The following XKR9 variants were observed in gnomAD, a reference collection of about 807,000 sequenced individuals.
The protein encoded by XKR9 is XK-related protein 9.
Under a neutral mutation model 32.0 loss-of-function variants are expected in XKR9, and 32 were observed. The observed-to-expected ratio is 1.00, with a 90% CI of 0.76 to 1.34. The LOEUF (loss-of-function observed/expected upper bound fraction) is 1.34. Among genes scored for constraint, XKR9 ranks in the 40% most tolerant of loss-of-function variants. The pLI is 0.00. For synonymous variants in XKR9, 168 were observed against 143.4 expected, an observed-to-expected ratio of 1.17 and a Z score of -1.22; for missense variants, 546 against 429.7, an observed-to-expected ratio of 1.27 and a Z score of -2.39.
At chr8:70,795,383 A>T in the XKR9 span, among the ~76,000 whole-genome samples, 1,622 of 152,220 alleles carry the variant, frequency 0.011, 38 homozygotes, top group African/African-American at 0.037. Context: ...ATTGATGGGT[A>T]TTTAGGTTGA....
At chr8:70,898,690 T>C in the XKR9 span, among the ~76,000 whole-genome samples, 2 of 152,220 alleles carry the variant, frequency 1.3e-5, no homozygotes, top group Non-Finnish European at 2.9e-5. Context: ...AGAACATACT[T>C]TAACATTTCT....
intron 2 of XKR9, among the ~76,000 whole-genome samples, chr8:70,776,844 G>T (rs940891809): frequency 2.0e-5 from 3 of 151,250 alleles, no homozygotes; most frequent in African/African-American, 7.3e-5. Flanking sequence ...CTGCCTGAGG[G>T]CAGGAATCAT....
chr8:70,732,199 G>C (rs570524783), intron 4 of XKR9, among the ~76,000 whole-genome samples: 1 of 152,324 alleles, frequency 6.6e-6, no homozygotes, highest in African/African-American at 2.4e-5. Flanking sequence ...CCATCATGGG[G>C]CTACCGAACC....
the XKR9 span, among the ~76,000 whole-genome samples, chr8:70,992,862 T>G: frequency 1.3e-5 from 2 of 152,206 alleles, no homozygotes; most frequent in African/African-American, 4.8e-5. Flanking sequence ...AGGCTCTCCT[T>G]CCAGCTCTTG....
the XKR9 span, among the ~76,000 whole-genome samples, chr8:70,892,063 T>C: frequency 6.6e-6 from 1 of 152,214 alleles, no homozygotes; most frequent in East Asian, 1.9e-4. Context: ...TTATCCAATA[T>C]AAATAAAGCT....
the XKR9 span, among the ~76,000 whole-genome samples, chr8:70,834,610 G>A: frequency 6.6e-6 from 1 of 152,062 alleles, no homozygotes; most frequent in Admixed American, 6.6e-5. Context: ...TTGTTAAAAT[G>A]TTTTTGGATT....
At chr8:70,956,673 T>G in the XKR9 span, among the ~76,000 whole-genome samples, 1 of 152,200 alleles carries the variant, frequency 6.6e-6, no homozygotes, top group Non-Finnish European at 1.5e-5. Flanking sequence ...CCCGTGCCTG[T>G]TGGTACCCCA....
the XKR9 span, among the ~76,000 whole-genome samples, chr8:70,837,223 A>G: frequency 6.6e-6 from 1 of 152,092 alleles, no homozygotes; most frequent in Non-Finnish European, 1.5e-5. Context: ...CAGAGTTCAT[A>G]TCTCACCTAT....
the XKR9 span, among the ~76,000 whole-genome samples, chr8:70,876,573 G>T: frequency 1.3e-5 from 2 of 151,860 alleles, no homozygotes; most frequent in Non-Finnish European, 2.9e-5. Flanking sequence ...AAGAAATCTG[G>T]GCAACCTCTG....
chr8:70,798,754 T>C, the XKR9 span, among the ~76,000 whole-genome samples: 2 of 152,240 alleles, frequency 1.3e-5, no homozygotes, highest in Admixed American at 1.3e-4. Flanking sequence ...CCAGCTTCAA[T>C]CTTTTGCACA....
chr8:70,784,635 A>G (rs1256626822), intron 2 of XKR9, among the ~76,000 whole-genome samples: 1 of 151,894 alleles, frequency 6.6e-6, no homozygotes, highest in African/African-American at 2.4e-5. Flanking sequence ...AGATCATGGC[A>G]TCAACAAACA....
At chr8:70,735,965 T>C (rs551716883), downstream of XKR9, 2 of 152,254 alleles carry the variant, frequency 1.3e-5, no homozygotes, top group East Asian at 3.9e-4. Context: ...TTATAATCCT[T>C]TGGGTATATA....
chr8:70,885,422 T>C, the XKR9 span, among the ~76,000 whole-genome samples: 1 of 152,202 alleles, frequency 6.6e-6, no homozygotes, highest in Non-Finnish European at 1.5e-5. Flanking sequence ...AATTTTACTT[T>C]AAGTTCTGGG....
the XKR9 span, among the ~76,000 whole-genome samples, chr8:70,973,936 G>A: frequency 6.6e-6 from 1 of 152,146 alleles, no homozygotes. Flanking sequence ...TGTATATGCT[G>A]CAGTTGTTGG....
the XKR9 span, among the ~76,000 whole-genome samples, chr8:71,017,457 G>A: frequency 0.43 from 65,712 of 151,914 alleles, 15,273 homozygotes; most frequent in Non-Finnish European, 0.53. Context: ...AGGAGGGATT[G>A]GGGATTGAAG....
chr8:70,857,800 G>C, the XKR9 span, among the ~76,000 whole-genome samples: 1 of 152,152 alleles, frequency 6.6e-6, no homozygotes, highest in Non-Finnish European at 1.5e-5. Context: ...AGGATGCAAG[G>C]CTGGTTCAAC....
At chr8:70,688,831 G>A (rs1819408448) in intron 3 of XKR9, among the ~76,000 whole-genome samples, 1 of 151,806 alleles carries the variant, frequency 6.6e-6, no homozygotes, top group Non-Finnish European at 1.5e-5. Context: ...AAGATAGCAT[G>A]TTATACTTCT....
the XKR9 span, among the ~76,000 whole-genome samples, chr8:70,798,980 T>C: frequency 1.3e-5 from 2 of 152,212 alleles, no homozygotes; most frequent in African/African-American, 4.8e-5. Flanking sequence ...AGGCAGGTAA[T>C]GTAGTGTCTT....
intron 3 of XKR9, among the ~76,000 whole-genome samples, chr8:70,691,029 C>T (rs1282287337): frequency 2.6e-5 from 4 of 152,174 alleles, no homozygotes; most frequent in Non-Finnish European, 5.9e-5. Context: ...CTGACACCAA[C>T]AGTGTAAAAG....
Sources: gnomAD v4.1 joint callset for allele counts (sites outside exome capture counted in the v4.1 genomes callset) on GRCh38, gnomAD v4.1.1 for gene constraint, MANE v1.5 for transcripts, NCBI Gene and HGNC (gene_info 2026-07-23, HGNC 2026-07-21) for gene names.